WASHC4: variants seen among roughly 807,000 people sequenced by gnomAD.
WASHC4 encodes the protein WASH complex subunit 7.
In WASHC4, 86 loss-of-function variants were observed where a neutral mutation model predicts 166.6. The observed-to-expected ratio is 0.52, with a 90% CI of 0.43 to 0.62. The LOEUF (loss-of-function observed/expected upper bound fraction) is 0.62, where lower values mean the gene tolerates loss of function less well. Among genes scored for constraint, WASHC4 ranks in the 20% least tolerant of loss-of-function variants. The pLI is 0.00. For synonymous variants in WASHC4, 446 were observed against 451.6 expected (o/e 0.99, Z 0.16); for missense variants, 1,262 against 1,382.4 (o/e 0.91, Z 1.38).
intron 14 of WASHC4, among the ~76,000 whole-genome samples, chr12:105,136,646 T>G (rs1882346725): frequency 2.6e-5 from 4 of 152,148 alleles, no homozygotes; most frequent in Admixed American, 2.6e-4. Context: ...GACTTAGAGT[T>G]AGATCTTTGC....
chr12:105,128,677 A>C (rs1191616000), intron 13 of WASHC4, among the ~76,000 whole-genome samples: 1 of 152,232 alleles, frequency 6.6e-6, no homozygotes, highest in Non-Finnish European at 1.5e-5. Flanking sequence ...AAATATTCCA[A>C]GATCTGAAAT....
chr12:105,131,290 G>C (rs1033460571), intron 13 of WASHC4, among the ~76,000 whole-genome samples: 5 of 151,262 alleles, frequency 3.3e-5, no homozygotes, highest in African/African-American at 1.2e-4. Flanking sequence ...GTTTCACCTT[G>C]TTAGCCAGGA....
chr12:105,142,621 T>C, intron 19 of WASHC4, 63 bp downstream of exon 19: 1 of 861,926 alleles, frequency 1.2e-6, no homozygotes, highest in Middle Eastern at 2.8e-4. Context: ...TAAACCGTTT[T>C]AGTTTAAAAT....
chr12:105,153,238 T>C (rs1883905210), intron 26 of WASHC4, among the ~76,000 whole-genome samples: 1 of 152,214 alleles, frequency 6.6e-6, no homozygotes, highest in South Asian at 2.1e-4. Context: ...GATTGATTTA[T>C]TCATTTATCA....
chr12:105,120,963 C>T (rs1400450467), intron 8 of WASHC4, 138 bp from the exon 9 acceptor site: 14 of 689,966 alleles, frequency 2.0e-5, no homozygotes, highest in Middle Eastern at 2.9e-4. Flanking sequence ...GAGGATCCAA[C>T]CTGTAGCTGA....
chr12:105,127,263 A>G lies in WASHC4; in HGVS notation c.1173A>G (p.Leu391=), dbSNP rs2135754255. ...QAIKIHRDTF[L]QQKAQSLTKD... ...TTAAAATACACAGGGATACTTTTCTACAACAGAAAGCTCAATCACTTACCA... is the reference window on the plus strand; with the variant it reads ...TTAAAATACACAGGGATACTTTTCTGCAACAGAAAGCTCAATCACTTACCA... The change falls in exon 13 of 33, where the codon CTA becomes CTG. Residue 391 remains leucine (L), a synonymous_variant. Coordinates refer to ENST00000332180, the MANE Select transcript of WASHC4 (RefSeq NM_015275.3). 1.2e-6 allele frequency: 2 copies of G among 1,611,560 alleles called. No individual in the cohort carries two copies. The highest frequency in any genetic ancestry group is 2.2e-5 in the East Asian group (1 of 44,768).
chr12:105,144,652 T>TC lies in WASHC4; in HGVS notation c.2180-64dup, dbSNP rs1592896721. 6.9e-6 allele frequency: 10 copies of TC among 1,445,828 alleles called. No homozygotes were observed. The East Asian group carries it at 2.3e-4, about 33-fold the overall frequency. 89.6% of individuals were successfully genotyped at this position (1,445,828 alleles called of 1,614,324 possible). On this transcript the variant is annotated intron_variant, in intron 21 of 32. Transcript: ENST00000332180. Reference sequence around the variant, plus strand: ...TGTTCAAGGACAAGTTGTTGTTTTTTCCTTTTAGGTTTCATTTCTTTTCCT... The same window carrying TC: ...TGTTCAAGGACAAGTTGTTGTTTTTTCCCTTTTAGGTTTCATTTCTTTTCCT...
At chr12:105,128,399 A>C (rs1391181993) in intron 13 of WASHC4, among the ~76,000 whole-genome samples, 1 of 152,228 alleles carries the variant, frequency 6.6e-6, no homozygotes, top group East Asian at 1.9e-4. Flanking sequence ...AAGTGGGGAA[A>C]AATGTGTGTA....
intron 26 of WASHC4, 56 bp downstream of exon 26, chr12:105,152,507 A>C: frequency 1.2e-4 from 108 of 933,836 alleles, no homozygotes; most frequent in Non-Finnish European, 1.8e-4. Context: ...AGTCTATCTC[A>C]TATATTAACT....
chr12:105,142,559 G>GT lies in WASHC4; in HGVS notation c.1893+2dup. The stretch of plus-strand genomic sequence containing the variant: ...TGCTGTTGATGCAGCCAGATTACAT[G>GT]TAAGTAAAGAACAATATAAAGAATA... On this transcript the variant is annotated splice_donor_variant, in intron 19 of 32. Coordinates refer to ENST00000332180, the MANE Select transcript of WASHC4 (RefSeq NM_015275.3). LOFTEE classifies it high-confidence loss of function. 1 of 1,461,500 alleles carries GT rather than the reference G, an allele frequency of 6.8e-7. No individual in the cohort carries two copies. Among genetic ancestry groups the GT allele is most frequent in the Non-Finnish European group, 9.6e-7 (1 of 1,043,440 alleles). 90.5% of individuals were successfully genotyped at this position (1,461,500 alleles called of 1,614,324 possible).
chr12:105,114,991 C>T (rs1208836326), intron 4 of WASHC4, among the ~76,000 whole-genome samples, 193 bp from the exon 5 acceptor site: 2 of 151,930 alleles, frequency 1.3e-5, no homozygotes, highest in South Asian at 4.1e-4. Flanking sequence ...AATCAAGATA[C>T]AGCTTTGAGT....
At position 105,162,632 on chromosome 12, in the gene WASHC4, TTCTA is replaced by T; in HGVS notation, c.3061-115_3061-112del. 3 of 422,786 alleles carry T rather than the reference TTCTA, an allele frequency of 7.1e-6. No homozygotes were observed. In the Admixed American group the frequency reaches 1.1e-4, roughly 15 times the overall value. 26.2% of individuals were successfully genotyped at this position (422,786 alleles called of 1,614,324 possible). A position where few individuals can be genotyped will look rare whatever the true frequency, so the allele number is the denominator to read the frequency against. ...CAGATGAAAAGGACAGGAATCTAGA[TTCTA>T]TTCTATTCTATTTATAGTGATTCTA... On this transcript the variant is annotated intron_variant, in intron 29 of 32. Coordinates refer to ENST00000332180, the MANE Select transcript of WASHC4 (RefSeq NM_015275.3).
chr12:105,142,591 T>C (rs1340499199), intron 19 of WASHC4, 33 bp downstream of exon 19: 3 of 1,214,276 alleles, frequency 2.5e-6, no homozygotes, highest in Middle Eastern at 2.0e-4. Context: ...AATAATTCTA[T>C]CATTTTAAAA....
At position 105,122,101 on chromosome 12, in the gene WASHC4, T is replaced by A. The variant is rs546070089; in HGVS notation, c.666-17T>A. On this transcript the variant is annotated splice_polypyrimidine_tract_variant and intron_variant, in intron 9 of 32. Transcript: ENST00000332180. ...TTATTAGGTAGATTTAAGATGTTTC[T>A]CTTAATTTTCCTCAAGGTTACTGAA... is the stretch of plus-strand genomic sequence containing the variant. 6.4e-7 allele frequency: 1 copy of A among 1,571,814 alleles called. No homozygotes were observed. Among genetic ancestry groups the A allele is most frequent in the East Asian group, 2.2e-5 (1 of 44,482 alleles).
intron 18 of WASHC4, among the ~76,000 whole-genome samples, chr12:105,141,934 G>T (rs1406145604): frequency 2.0e-5 from 3 of 149,758 alleles, no homozygotes; most frequent in African/African-American, 7.5e-5. Flanking sequence ...TCATTCTGTT[G>T]CCCTTTAAGG....
At chr12:105,140,686 A>G (rs947119902) in intron 16 of WASHC4, among the ~76,000 whole-genome samples, 1 of 152,214 alleles carries the variant, frequency 6.6e-6, no homozygotes, top group African/African-American at 2.4e-5. Context: ...ATTAACATGG[A>G]AATTTTAAAG....
At chr12:105,115,792 G>A (rs371392898) in intron 6 of WASHC4, 64 bp downstream of exon 6, 5 of 1,028,456 alleles carry the variant, frequency 4.9e-6, no homozygotes, top group South Asian at 3.8e-5. Flanking sequence ...TACACAACAC[G>A]TAAAAAGTTC....
At chr12:105,133,411 T>C (rs1439673355) in intron 13 of WASHC4, among the ~76,000 whole-genome samples, 1 of 152,222 alleles carries the variant, frequency 6.6e-6, no homozygotes, top group East Asian at 1.9e-4. Flanking sequence ...CCAGTCCTTA[T>C]CCTTTTTCCC....
At chr12:105,107,886 T>G (rs904128856) in intron 1 of WASHC4, 25 bp downstream of exon 1, 9 of 1,525,284 alleles carry the variant, frequency 5.9e-6, no homozygotes, top group Non-Finnish European at 8.0e-6. Context: ...GGGCGAGGGC[T>G]GCGGGTGGAC....
Sources: allele counts gnomAD v4.1 joint callset (sites outside exome capture counted in the v4.1 genomes callset), GRCh38; gene constraint gnomAD v4.1.1; transcripts MANE v1.5; gene names NCBI Gene and HGNC (gene_info 2026-07-23, HGNC 2026-07-21).